The following WWOX variants were observed in gnomAD, a reference collection of about 807,000 sequenced individuals.
WWOX encodes the protein WW domain-containing oxidoreductase.
A neutral mutation model predicts 46.2 loss-of-function variants in WWOX; 69 were observed. The ratio of observed to expected loss-of-function variants is 1.49; its 90% CI spans 1.23 to 1.82. WWOX has a LOEUF of 1.82. Ranked by LOEUF, WWOX falls within the 40% of genes most tolerant of loss-of-function variation. The pLI is 0.00. For missense variants in WWOX, 919 were observed against 542.6 expected, an observed-to-expected ratio of 1.69 and a Z score of -6.89; for synonymous variants, 359 against 202.6, an observed-to-expected ratio of 1.77 and a Z score of -6.56.
In WWOX at chr16:78,839,121, T is replaced by C. The variant is rs555198183; in HGVS notation, c.1057-372487T>C. Reference sequence around the variant, plus strand: ...TTGACTGCATGTGAATCTACACTTATCTCAAAAATAAAAACTTTCATTAAA... The same window carrying C: ...TTGACTGCATGTGAATCTACACTTACCTCAAAAATAAAAACTTTCATTAAA... On this transcript the variant is annotated intron_variant, in intron 8 of 8. Transcript: ENST00000566780. 9.2e-5 allele frequency among the ~76,000 whole-genome samples: 14 copies of C among 152,296 alleles called. No homozygotes were observed. The South Asian group carries it at 1.5e-3, about 16-fold the overall frequency.
intron 8 of WWOX, among the ~76,000 whole-genome samples, chr16:79,084,019 C>T (rs1032859062): frequency 1.3e-5 from 2 of 152,176 alleles, no homozygotes; most frequent in East Asian, 1.9e-4. Flanking sequence ...GTTAACCACT[C>T]GCATCAGTTT....
chr16:78,979,239 G>C (rs117745064), intron 8 of WWOX, among the ~76,000 whole-genome samples: 1 of 152,236 alleles, frequency 6.6e-6, no homozygotes, highest in East Asian at 1.9e-4. Context: ...ACATACAGAA[G>C]TAAAACAAGC....
chr16:78,601,076 T>G (rs184593969), intron 8 of WWOX, among the ~76,000 whole-genome samples: 2 of 152,218 alleles, frequency 1.3e-5, no homozygotes, highest in East Asian at 3.9e-4. Context: ...ATACCCTGAT[T>G]TTATGTGTCA....
intron 8 of WWOX, among the ~76,000 whole-genome samples, chr16:78,918,963 G>T (rs2045314390): frequency 1.3e-5 from 2 of 152,076 alleles, no homozygotes; most frequent in Admixed American, 1.3e-4. Context: ...TTTCTGATTG[G>T]ACCCAGGGCA....
At chr16:78,709,854 G>A (rs536375493) in intron 8 of WWOX, among the ~76,000 whole-genome samples, 5 of 151,302 alleles carry the variant, frequency 3.3e-5, no homozygotes, top group African/African-American at 4.9e-5. Context: ...TGAGCCTCCC[G>A]AGTAACTGGG....
chr16:78,716,702 C>T (rs576052930), intron 8 of WWOX, among the ~76,000 whole-genome samples: 14 of 152,062 alleles, frequency 9.2e-5, no homozygotes, highest in African/African-American at 3.1e-4. Context: ...GGGACCACCT[C>T]CAGAGAGATT....
intron 8 of WWOX, among the ~76,000 whole-genome samples, chr16:78,756,543 A>T (rs1444156875): frequency 6.6e-6 from 1 of 152,186 alleles, no homozygotes; most frequent in Admixed American, 6.5e-5. Context: ...AGTTGGAAGA[A>T]GGAATTATTT....
chr16:79,056,633 T>C lies in WWOX; in HGVS notation c.1057-154975T>C, dbSNP rs563033930. 2.1e-3 allele frequency among the ~76,000 whole-genome samples: 325 copies of C among 152,282 alleles called. 4 individuals carry two copies. Among genetic ancestry groups the C allele is most frequent in the Non-Finnish European group, 2.1e-4 (14 of 68,024 alleles). ...CTCTACCCACTAGATGCCAGTAGCA[T>C]CCCTTCCCCCTCTTGTCACAAACAC... On this transcript the variant is annotated intron_variant, in intron 8 of 8. Coordinates refer to ENST00000566780, the MANE Select transcript of WWOX (RefSeq NM_016373.4).
chr16:78,709,052 C>T (rs2048383698), intron 8 of WWOX, among the ~76,000 whole-genome samples: 1 of 152,124 alleles, frequency 6.6e-6, no homozygotes, highest in Admixed American at 6.5e-5. Context: ...GCCCCCTGAC[C>T]CCTTATGAAG....
At chr16:78,877,587 A>G (rs1212209376) in intron 8 of WWOX, among the ~76,000 whole-genome samples, 2 of 152,188 alleles carry the variant, frequency 1.3e-5, no homozygotes, top group African/African-American at 4.8e-5. Flanking sequence ...GGCACTTATT[A>G]TATCACATAG....
intron 4 of WWOX, among the ~76,000 whole-genome samples, chr16:78,163,412 G>A (rs1234098275): frequency 6.6e-6 from 1 of 152,130 alleles, no homozygotes; most frequent in Non-Finnish European, 1.5e-5. Context: ...TGTTTACCGT[G>A]GCCCTTTCCT....
chr16:78,381,074 C>T (rs1200278807), intron 5 of WWOX, among the ~76,000 whole-genome samples: 3 of 152,308 alleles, frequency 2.0e-5, no homozygotes, highest in African/African-American at 4.8e-5. Context: ...GTGCATTGGA[C>T]ATACTGGGCT....
chr16:78,101,877 G>T (rs2031816250), intron 1 of WWOX, among the ~76,000 whole-genome samples: 1 of 152,126 alleles, frequency 6.6e-6, no homozygotes. Flanking sequence ...ATCTTATTAG[G>T]GCACAGTGAC....
rs112399581 is a variant in WWOX at position 79,172,411 on chromosome 16, T to C, written c.1057-39197T>C. Among the ~76,000 whole-genome samples the C allele has an allele frequency of 9.6e-3, 1,469 of 152,266 alleles. 11 individuals are homozygous for C. Among genetic ancestry groups the C allele is most frequent in the African/African-American group, 0.015 (634 of 41,556 alleles). On this transcript the variant is annotated intron_variant, in intron 8 of 8. Coordinates refer to ENST00000566780, the MANE Select transcript of WWOX (RefSeq NM_016373.4). ...GTATCTGAGTCACTTCAATGCCTTG[T>C]GTTTCTGCTCTGGGCTGCAAACTCA...
chr16:78,167,726 C>T (rs1054518892), intron 5 of WWOX: 5 of 152,152 alleles, frequency 3.3e-5, no homozygotes, highest in African/African-American at 9.7e-5. Flanking sequence ...CATTTCATTC[C>T]ATTGCACCAT....
intron 8 of WWOX, among the ~76,000 whole-genome samples, chr16:78,964,642 C>A (rs751099009): frequency 6.6e-6 from 1 of 152,228 alleles, no homozygotes; most frequent in Non-Finnish European, 1.5e-5. Context: ...GAAATTCAAG[C>A]TGGCTGCAGA....
chr16:78,779,430 C>G (rs2050271403), intron 8 of WWOX, among the ~76,000 whole-genome samples: 1 of 152,160 alleles, frequency 6.6e-6, no homozygotes, highest in Non-Finnish European at 1.5e-5. Flanking sequence ...GCCACCGTGT[C>G]CGGCCCCCCT....
At chr16:78,890,249 A>G (rs989742483) in intron 8 of WWOX, 4 of 151,834 alleles carry the variant, frequency 2.6e-5, no homozygotes, top group African/African-American at 9.7e-5. Context: ...AGTTCTGAAA[A>G]TAAATAAAAA....
At chr16:78,584,858 G>C (rs570963661) in intron 8 of WWOX, among the ~76,000 whole-genome samples, 1 of 152,194 alleles carries the variant, frequency 6.6e-6, no homozygotes. Context: ...GTGCACGTCG[G>C]TGCGTGTAAG....
Sources: allele counts gnomAD v4.1 joint callset (sites outside exome capture counted in the v4.1 genomes callset), GRCh38; gene constraint gnomAD v4.1.1; transcripts MANE v1.5; gene names NCBI Gene and HGNC (gene_info 2026-07-23, HGNC 2026-07-21).